Variants in RERE observed in about 807,000 individuals in gnomAD.
The protein encoded by RERE is arginine-glutamic acid dipeptide repeats.
In RERE, 40 loss-of-function variants were observed where a neutral mutation model predicts 146.1. That is an observed-to-expected ratio of 0.27 (90% CI 0.21 to 0.36). The LOEUF is 0.36. RERE is among the 10% of genes least tolerant of loss of function. The pLI is 1.00. For synonymous variants in RERE, 1,003 were observed against 866.0 expected (o/e 1.16, Z -2.78); for missense variants, 1,933 against 2,138.7 (o/e 0.90, Z 1.90).
chr1:8,697,050 G>GT (rs1164309235), intron 1 of RERE, among the ~76,000 whole-genome samples: 4 of 152,142 alleles, frequency 2.6e-5, no homozygotes, highest in African/African-American at 7.2e-5. Flanking sequence ...AGTAAATACT[G>GT]TTAAGAGTCC....
chr1:8,384,660 C>T (rs1642578110), intron 12 of RERE, among the ~76,000 whole-genome samples: 1 of 152,214 alleles, frequency 6.6e-6, no homozygotes, highest in South Asian at 2.1e-4. Context: ...TGTGACATCA[C>T]AACCAGATGC....
At chr1:8,519,604 A>G (rs1645464989) in intron 7 of RERE, 1 of 152,244 alleles carries the variant, frequency 6.6e-6, no homozygotes. Context: ...AACTAGACAT[A>G]GTACCTATTG....
chr1:8,573,298 G>T (rs1288560173), intron 4 of RERE, among the ~76,000 whole-genome samples: 1 of 152,014 alleles, frequency 6.6e-6, no homozygotes, highest in East Asian at 1.9e-4. Flanking sequence ...TGAATTCACT[G>T]ATCATTCCCA....
At chr1:8,776,726 T>C (rs1432318728) in intron 1 of RERE, among the ~76,000 whole-genome samples, 2 of 152,196 alleles carry the variant, frequency 1.3e-5, no homozygotes, top group Non-Finnish European at 2.9e-5. Context: ...TTTTATTTTA[T>C]TATCTTTTTT....
intron 1 of RERE, among the ~76,000 whole-genome samples, chr1:8,778,328 A>G (rs1641105775): frequency 6.6e-6 from 1 of 152,212 alleles, no homozygotes; most frequent in South Asian, 2.1e-4. Flanking sequence ...CAAAAATCAC[A>G]AGATCTATTT....
Position 8,358,464 on chromosome 1 carries a change from CGGG to C in RERE, c.4068_4070del (p.Pro1357del). The C allele has an allele frequency of 6.3e-7, 1 of 1,583,444 alleles. No individual in the cohort carries two copies. Among genetic ancestry groups the C allele is most frequent in the East Asian group, 2.3e-5 (1 of 44,294 alleles). The stretch of plus-strand genomic sequence containing the variant: ...AAGCAAAAGGGTGGGGCCCGGCGGT[CGGG>C]GGGATGGTGAGGGCGCTGTGCCGGG... On this transcript the variant is annotated inframe_deletion, in exon 20 of 23. Transcript: ENST00000400908.
At chr1:8,722,536 CT>C (rs1639883590) in intron 1 of RERE, among the ~76,000 whole-genome samples, 1 of 152,212 alleles carries the variant, frequency 6.6e-6, no homozygotes, top group African/African-American at 2.4e-5. Context: ...AAGCCACAGA[CT>C]TGGCCTTCAT....
intron 1 of RERE, among the ~76,000 whole-genome samples, chr1:8,765,894 G>C (rs1640836292): frequency 6.6e-6 from 1 of 152,202 alleles, no homozygotes; most frequent in East Asian, 1.9e-4. Flanking sequence ...GGAGGTTGCA[G>C]TGAGTCAAGA....
chr1:8,764,118 C>T (rs904576310), intron 1 of RERE, among the ~76,000 whole-genome samples: 2 of 151,816 alleles, frequency 1.3e-5, no homozygotes, highest in Non-Finnish European at 2.9e-5. Flanking sequence ...ATGGTTCCCA[C>T]GCTGTCTTCC....
chr1:8,479,663 A>G lies in RERE; in HGVS notation c.1105-13640T>C, dbSNP rs1644805146. Among the ~76,000 whole-genome samples, 5 of 152,222 alleles carry G rather than the reference A, an allele frequency of 3.3e-5. No homozygotes were observed. The South Asian group carries it at 1.0e-3, about 32-fold the overall frequency. On this transcript the variant is annotated intron_variant, in intron 10 of 22. Transcript: ENST00000400908. ...CAGCCAAAATGTGCAAACAGCCACC[A>G]GTAGCTACAAGAGGCGAAGAGTGGG...
At chr1:8,717,139 A>G (rs1229743323) in intron 1 of RERE, among the ~76,000 whole-genome samples, 1 of 152,238 alleles carries the variant, frequency 6.6e-6, no homozygotes, top group Non-Finnish European at 1.5e-5. Context: ...ATCCAGCTTC[A>G]AAAAACTTAA....
At chr1:8,464,893 G>C (rs1317137827) in intron 11 of RERE, 1 of 152,164 alleles carries the variant, frequency 6.6e-6, no homozygotes, top group Non-Finnish European at 1.5e-5. Flanking sequence ...CCCAAGGAGG[G>C]ACAACACCTG....
At chr1:8,385,094 C>G (rs1409977486) in intron 12 of RERE, among the ~76,000 whole-genome samples, 1 of 152,198 alleles carries the variant, frequency 6.6e-6, no homozygotes, top group African/African-American at 2.4e-5. Context: ...AAGACTGAGT[C>G]AAGCATGGCC....
At chr1:8,658,436 C>T (rs533418700) in intron 1 of RERE, among the ~76,000 whole-genome samples, 1 of 152,268 alleles carries the variant, frequency 6.6e-6, no homozygotes, top group East Asian at 1.9e-4. Flanking sequence ...AATCAGTTTG[C>T]AGTTACATGC....
intron 12 of RERE, among the ~76,000 whole-genome samples, chr1:8,385,486 G>A (rs533031772): frequency 5.3e-5 from 8 of 152,092 alleles, no homozygotes; most frequent in African/African-American, 1.2e-4. Context: ...AGGCTACCAC[G>A]GAGTTTTAAA....
chr1:8,446,689 CTTTTT>C (rs1456903805), intron 11 of RERE, among the ~76,000 whole-genome samples: 3 of 151,794 alleles, frequency 2.0e-5, no homozygotes, highest in African/African-American at 4.8e-5. Flanking sequence ...CTTTTCTTTT[CTTTTT>C]TTTAGAGTCT....
At chr1:8,681,708 A>T (rs948560729) in intron 1 of RERE, among the ~76,000 whole-genome samples, 2 of 152,212 alleles carry the variant, frequency 1.3e-5, no homozygotes, top group Non-Finnish European at 2.9e-5. Flanking sequence ...TTTATCTATA[A>T]TACTAGAGAT....
At position 8,577,252 on chromosome 1, in the gene RERE, A is replaced by G. The variant is rs972102813; in HGVS notation, c.523-19729T>C. ...TTATATAAATGTATTACCTATTCAA[A>G]AACTATTTTTAAAAACTCACAGGGT... On this transcript the variant is annotated intron_variant, in intron 4 of 22. Coordinates refer to ENST00000400908, the MANE Select transcript of RERE (RefSeq NM_001042681.2). Among the ~76,000 whole-genome samples, 3 of 152,094 alleles carry G rather than the reference A, an allele frequency of 2.0e-5. No homozygotes were observed. In the East Asian group the frequency reaches 5.8e-4, roughly 29 times the overall value.
chr1:8,569,615 G>A (rs1409728322), intron 4 of RERE, among the ~76,000 whole-genome samples: 1 of 152,156 alleles, frequency 6.6e-6, no homozygotes, highest in South Asian at 2.1e-4. Flanking sequence ...CTTGAGGTTG[G>A]GCACAGTGGC....
Sources: gnomAD v4.1 joint callset for allele counts (sites outside exome capture counted in the v4.1 genomes callset) on GRCh38, gnomAD v4.1.1 for gene constraint, MANE v1.5 for transcripts, NCBI Gene and HGNC (gene_info 2026-07-23, HGNC 2026-07-21) for gene names.